The following GID4 variants were observed in gnomAD, a reference collection of about 807,000 sequenced individuals.
GID4 encodes the protein GID complex subunit 4 homolog, also known as glucose-induced degradation protein 4 homolog.
Under a neutral mutation model 32.4 loss-of-function variants are expected in GID4, and 7 were observed. That is an observed-to-expected ratio of 0.22 (90% confidence interval 0.12 to 0.41). The LOEUF is 0.41. GID4 is among the 10% of genes least tolerant of loss of function. The pLI is 1.00. For missense variants in GID4, 309 were observed against 400.0 expected, an observed-to-expected ratio of 0.77 and a Z score of 1.94; for synonymous variants, 166 against 170.0, an observed-to-expected ratio of 0.98 and a Z score of 0.18.
At chr17:18,050,920 T>C (rs1280517208) in intron 2 of GID4, among the ~76,000 whole-genome samples, 1 of 152,226 alleles carries the variant, frequency 6.6e-6, no homozygotes, top group Non-Finnish European at 1.5e-5. Context: ...CTCATTGGGC[T>C]GTAATAAAGT....
intron 2 of GID4, among the ~76,000 whole-genome samples, chr17:18,052,216 G>T (rs1265367886): frequency 1.3e-5 from 2 of 152,070 alleles, no homozygotes; most frequent in African/African-American, 4.8e-5. Flanking sequence ...GGATAGGGGG[G>T]TTGTGGGTTT....
At chr17:18,051,310 A>G (rs1420425722) in intron 2 of GID4, among the ~76,000 whole-genome samples, 3 of 152,168 alleles carry the variant, frequency 2.0e-5, no homozygotes, top group Non-Finnish European at 4.4e-5. Context: ...TTGGCCTTGT[A>G]TTAAAACCTC....
At chr17:18,053,213 A>G (rs1385821568) in intron 2 of GID4, among the ~76,000 whole-genome samples, 1 of 149,236 alleles carries the variant, frequency 6.7e-6, no homozygotes, top group Non-Finnish European at 1.5e-5. Flanking sequence ...AGGTTTCTCC[A>G]TGTTGGTCAG....
chr17:18,065,347 C>A lies in GID4; in HGVS notation c.*104C>A. On this transcript the variant is annotated 3_prime_UTR_variant, in exon 6 of 6. Transcript: ENST00000268719. ...AACCAGGAGAAGTGTGTTCCTGTTT[C>A]TTCACGAGCAGACTCGCATCACAAA... 2 of 845,428 alleles carry A rather than the reference C, an allele frequency of 2.4e-6. No individual in the cohort carries two copies. Among genetic ancestry groups the A allele is most frequent in the Non-Finnish European group, 4.0e-6 (2 of 502,284 alleles). The allele number at this position is 845,428 out of a possible 1,614,324, so 52.4% of individuals were successfully genotyped here.
chr17:18,050,142 G>C (rs1207261180), intron 2 of GID4, among the ~76,000 whole-genome samples: 4 of 152,114 alleles, frequency 2.6e-5, no homozygotes, highest in Non-Finnish European at 5.9e-5. Flanking sequence ...TGGGCATTTA[G>C]GTTGACCCAC....
At chr17:18,043,128 G>A (rs1226591221) in intron 1 of GID4, among the ~76,000 whole-genome samples, 1 of 152,210 alleles carries the variant, frequency 6.6e-6, no homozygotes. Context: ...GGACACAGCT[G>A]TGCTGTGACA....
chr17:18,056,570 C>G, intron 3 of GID4: 1 of 813,728 alleles, frequency 1.2e-6, no homozygotes, highest in South Asian at 1.8e-5. Context: ...CCATTCAACT[C>G]TATTTTCCAT....
intron 3 of GID4, among the ~76,000 whole-genome samples, chr17:18,055,867 C>G (rs1055551207): frequency 1.3e-5 from 2 of 152,044 alleles, no homozygotes; most frequent in Non-Finnish European, 2.9e-5. Flanking sequence ...GAGACAGAGT[C>G]TCAGTCTGTC....
intron 2 of GID4, among the ~76,000 whole-genome samples, chr17:18,053,008 A>AAT (rs2044927778): frequency 2.2e-4 from 11 of 49,666 alleles, no homozygotes; most frequent in African/African-American, 8.0e-4. Flanking sequence ...AAAAGTATTT[A>AAT]CTTTTTTTTT....
chr17:18,065,817 T>C lies in GID4; in HGVS notation c.*574T>C. 5.9e-6 allele frequency: 1 copy of C among 170,748 alleles called. No homozygotes were observed. Among genetic ancestry groups the C allele is most frequent in the Non-Finnish European group, 1.3e-5 (1 of 79,310 alleles). The allele number at this position is 170,748 out of a possible 1,614,324, so 10.6% of individuals were successfully genotyped here. A position where few individuals can be genotyped will look rare whatever the true frequency, so the allele number is the denominator to read the frequency against. On this transcript the variant is annotated 3_prime_UTR_variant, in exon 6 of 6. Coordinates refer to ENST00000268719, the MANE Select transcript of GID4 (RefSeq NM_024052.5). ...CTGCCTCAGTCTTCAGTGCTGATTG[T>C]GTCACGGGTCAGCGTGCGCTGCTGA...
chr17:18,056,617 C>A (rs1390910613), intron 3 of GID4: 4 of 1,335,860 alleles, frequency 3.0e-6, no homozygotes, highest in Non-Finnish European at 4.1e-6. Flanking sequence ...GTCTTTGAGG[C>A]CCAGTGACAC....
At chr17:18,053,009 C>CTTTTTTTTT (rs71155312) in intron 2 of GID4, among the ~76,000 whole-genome samples, 2 of 83,274 alleles carry the variant, frequency 2.4e-5, no homozygotes, top group African/African-American at 4.9e-5. Flanking sequence ...AAAGTATTTA[C>CTTTTTTTTT]TTTTTTTTTT....
intron 2 of GID4, among the ~76,000 whole-genome samples, chr17:18,049,068 G>C (rs1385474218): frequency 6.6e-6 from 1 of 151,996 alleles, no homozygotes; most frequent in African/African-American, 2.4e-5. Context: ...AGGCACAGTG[G>C]CTCATGCCTG....
chr17:18,039,669 G>A lies in GID4; in HGVS notation c.205G>A (p.Val69Ile), dbSNP rs747919270. ...TLLGSRAAAA[V>I]PLPLPPALAP... ...CCTCGGCTCCCGCGCGGCGGCGGCG[G>A]TTCCTCTCCCACTCCCCCCAGCCCT... is the stretch of plus-strand genomic sequence containing the variant. The change falls in exon 1 of 6, where the codon GTT (valine) becomes ATT (isoleucine). Residue 69 changes from valine to isoleucine, a missense_variant. By Grantham distance (29) the Val-to-Ile change is conservative. This residue lies in a region of GID4 where 193 missense variants were observed against 185.8 expected (regional missense o/e 1.04). Coordinates refer to ENST00000268719, the MANE Select transcript of GID4 (RefSeq NM_024052.5). The surrounding 1 kb of genome is among the most constrained non-coding windows in gnomAD (Gnocchi z 5.3). 1.4e-5 allele frequency: 19 copies of A among 1,384,164 alleles called. No individual in the cohort carries two copies. The highest frequency in any genetic ancestry group is 1.7e-5 in the Non-Finnish European group (18 of 1,068,926). 85.7% of individuals were successfully genotyped at this position (1,384,164 alleles called of 1,614,324 possible). A position where few individuals can be genotyped will look rare whatever the true frequency, so the allele number is the denominator to read the frequency against.
Position 18,039,744 on chromosome 17 carries a change from G to A in GID4, c.280G>A (p.Ala94Thr). 6.5e-7 allele frequency: 1 copy of A among 1,546,674 alleles called. No individual in the cohort carries two copies. The highest frequency in any genetic ancestry group is 8.7e-7 in the Non-Finnish European group (1 of 1,148,868). ...GGTCCGCACCGAGTGTCCCCCGCCGGCCGGTGCCTCCGCTGCCTCCGCGGC... is the reference window on the plus strand; with the variant it reads ...GGTCCGCACCGAGTGTCCCCCGCCGACCGGTGCCTCCGCTGCCTCCGCGGC... ...MPVRTECPPP[A>T]GASAASAASL... The change falls in exon 1 of 6, where the codon GCC becomes ACC. Residue 94 changes from alanine to threonine, a missense_variant. By Grantham distance (58) the Ala-to-Thr change is moderately conservative. This residue lies in a region of GID4 where 193 missense variants were observed against 185.8 expected (regional missense o/e 1.04). Transcript: ENST00000268719. This position sits in a 1 kb window ranked among gnomAD's most constrained non-coding sequence, Gnocchi z 5.3.
intron 3 of GID4, among the ~76,000 whole-genome samples, chr17:18,056,261 A>C (rs1287257194): frequency 6.6e-6 from 1 of 152,244 alleles, no homozygotes; most frequent in East Asian, 1.9e-4. Flanking sequence ...TGAATTCTAT[A>C]CATTTTGATT....
At chr17:18,049,089 A>G (rs2044883865) in intron 2 of GID4, among the ~76,000 whole-genome samples, 1 of 151,846 alleles carries the variant, frequency 6.6e-6, no homozygotes, top group Non-Finnish European at 1.5e-5. Flanking sequence ...TAATCCCAGC[A>G]CTTTGGGAGG....
chr17:18,060,267 G>A (rs921522665), intron 4 of GID4, among the ~76,000 whole-genome samples: 1 of 150,682 alleles, frequency 6.6e-6, no homozygotes. Flanking sequence ...GTGTAGTGGT[G>A]CACGCCTGTA....
At chr17:18,060,673 C>T (rs1366005557) in intron 4 of GID4, among the ~76,000 whole-genome samples, 1 of 152,108 alleles carries the variant, frequency 6.6e-6, no homozygotes, top group African/African-American at 2.4e-5. Flanking sequence ...CTGCCTCCGC[C>T]TCCTGAGTAA....
Sources: gnomAD v4.1 joint callset for allele counts (sites outside exome capture counted in the v4.1 genomes callset) on GRCh38, gnomAD v4.1.1 for gene constraint, gnomAD v4.1.1 regional missense constraint, Gnocchi (gnomAD v3.1) non-coding constraint, MANE v1.5 for transcripts, NCBI Gene and HGNC (gene_info 2026-07-23, HGNC 2026-07-21) for gene names.